Variants in TMPRSS11E observed in about 807,000 individuals in gnomAD.
TMPRSS11E encodes transmembrane serine protease 11E.
TMPRSS11E carries 38 observed loss-of-function variants against 48.1 expected under a neutral mutation model. That is an observed-to-expected ratio of 0.79 (90% confidence interval 0.61 to 1.04). The LOEUF is 1.04. Ranked by LOEUF, TMPRSS11E falls within the 50% of genes least tolerant of loss-of-function variation. The pLI, the probability that TMPRSS11E is intolerant of heterozygous loss-of-function variation, is 0.00. For missense variants in TMPRSS11E, 530 were observed against 510.8 expected (o/e 1.04, Z -0.36); for synonymous variants, 158 against 171.9 (o/e 0.92, Z 0.63).
In TMPRSS11E at chr4:68,480,192, G is replaced by A. The variant is rs1057500748; in HGVS notation, c.1110+1201G>A. Among the ~76,000 whole-genome samples the A allele has an allele frequency of 5.4e-5, 8 of 148,728 alleles. No homozygotes were observed. In the East Asian group the frequency reaches 1.8e-3, roughly 34 times the overall value. On this transcript the variant is annotated intron_variant, in intron 9 of 9. Coordinates refer to ENST00000305363, the MANE Select transcript of TMPRSS11E (RefSeq NM_014058.4). ...CCTTTGTCAAGTTTGAGAAATTTTT[G>A]GTCATTATTTCTTAAAATACTCTTT...
intron 5 of TMPRSS11E, among the ~76,000 whole-genome samples, chr4:68,473,956 G>GA (rs1405280409): frequency 1.6e-5 from 1 of 64,134 alleles, no homozygotes; most frequent in Non-Finnish European, 3.5e-5. Flanking sequence ...AAATACTAAA[G>GA]AAAAAAATTA....
At chr4:68,487,360 C>T (rs984914629) in intron 9 of TMPRSS11E, among the ~76,000 whole-genome samples, 3 of 151,790 alleles carry the variant, frequency 2.0e-5, no homozygotes, top group African/African-American at 7.3e-5. Flanking sequence ...TCAAGCGATT[C>T]TTCTGCCTTA....
intron 1 of TMPRSS11E, among the ~76,000 whole-genome samples, chr4:68,458,863 A>C (rs1728709467): frequency 6.6e-6 from 1 of 152,132 alleles, no homozygotes; most frequent in Admixed American, 6.5e-5. Context: ...CTAATAATTA[A>C]AATAATGATG....
intron 1 of TMPRSS11E, among the ~76,000 whole-genome samples, chr4:68,456,814 C>T (rs1470985151): frequency 6.6e-6 from 1 of 152,066 alleles, no homozygotes; most frequent in Non-Finnish European, 1.5e-5. Context: ...GGAAAGGATT[C>T]CCTATTTAAT....
chr4:68,491,744 A>G (rs917228447), intron 9 of TMPRSS11E, among the ~76,000 whole-genome samples: 2 of 152,220 alleles, frequency 1.3e-5, no homozygotes, highest in African/African-American at 4.8e-5. Context: ...TAAGCCCTAT[A>G]GTTCTCTTCA....
chr4:68,492,292 C>A (rs1367949543), intron 9 of TMPRSS11E, among the ~76,000 whole-genome samples: 1 of 152,136 alleles, frequency 6.6e-6, no homozygotes, highest in Admixed American at 6.5e-5. Context: ...TTTGTAACCC[C>A]CAAATCAATA....
chr4:68,450,247 TGTGGAA>T (rs1460700040), intron 1 of TMPRSS11E, among the ~76,000 whole-genome samples: 2 of 151,932 alleles, frequency 1.3e-5, no homozygotes, highest in East Asian at 3.8e-4. Context: ...CTAAGTCCTG[TGTGGAA>T]GAAAACTCTC....
At chr4:68,483,988 T>A (rs1430465659) in intron 9 of TMPRSS11E, among the ~76,000 whole-genome samples, 1 of 152,148 alleles carries the variant, frequency 6.6e-6, no homozygotes, top group Non-Finnish European at 1.5e-5. Flanking sequence ...GTTCCATTGA[T>A]CTATGTGTCT....
At chr4:68,454,707 T>A (rs1728581863) in intron 1 of TMPRSS11E, among the ~76,000 whole-genome samples, 1 of 151,890 alleles carries the variant, frequency 6.6e-6, no homozygotes, top group Middle Eastern at 3.2e-3. Context: ...GAATTCTTGG[T>A]GTATGGTTTA....
intron 1 of TMPRSS11E, among the ~76,000 whole-genome samples, chr4:68,456,443 C>A (rs369977857): frequency 4.6e-5 from 7 of 151,716 alleles, no homozygotes; most frequent in African/African-American, 1.7e-4. Context: ...GAGTAATTTG[C>A]TTGTATTTCT....
chr4:68,478,998 A>C lies in TMPRSS11E; in HGVS notation c.1110+7A>C. On this transcript the variant is annotated splice_region_variant and intron_variant, in intron 9 of 9. Transcript: ENST00000305363. ...AAAAACAGATGCATGCCAGGTAAAC[A>C]GTTTTGCCCATTAGTAGGTTGTGTA... 1 of 1,612,418 alleles carries C rather than the reference A, an allele frequency of 6.2e-7. No individual in the cohort carries two copies. Among genetic ancestry groups the C allele is most frequent in the East Asian group, 2.2e-5 (1 of 44,854 alleles).
At chr4:68,462,043 G>T in intron 2 of TMPRSS11E, 98 bp downstream of exon 2, 1 of 1,463,638 alleles carries the variant, frequency 6.8e-7, no homozygotes, top group Non-Finnish European at 9.4e-7. Context: ...TTATCACTAC[G>T]ATTCATTTGC....
At chr4:68,457,778 T>C (rs184402431) in intron 1 of TMPRSS11E, among the ~76,000 whole-genome samples, 1 of 151,504 alleles carries the variant, frequency 6.6e-6, no homozygotes, top group African/African-American at 2.4e-5. Flanking sequence ...TCATGTTCTT[T>C]GCAGGGACAC....
chr4:68,470,158 G>T (rs1729024566), intron 4 of TMPRSS11E, among the ~76,000 whole-genome samples: 1 of 151,748 alleles, frequency 6.6e-6, no homozygotes, highest in African/African-American at 2.4e-5. Flanking sequence ...ATAGAAATTT[G>T]CTCATGATCA....
intron 1 of TMPRSS11E, among the ~76,000 whole-genome samples, chr4:68,456,745 T>A: frequency 6.6e-6 from 1 of 152,036 alleles, no homozygotes; most frequent in East Asian, 1.9e-4. Flanking sequence ...GCCTCAGAAA[T>A]AATGCCACAC....
At chr4:68,493,984 C>G (rs549659444) in intron 9 of TMPRSS11E, among the ~76,000 whole-genome samples, 1 of 152,246 alleles carries the variant, frequency 6.6e-6, no homozygotes, top group Non-Finnish European at 1.5e-5. Flanking sequence ...TTTCATAATT[C>G]TGAAATTTGC....
At chr4:68,479,111 T>A in intron 9 of TMPRSS11E, 120 bp downstream of exon 9, 1 of 1,167,862 alleles carries the variant, frequency 8.6e-7, no homozygotes. Flanking sequence ...CTCACCCAGT[T>A]TTCTCCAATG....
intron 9 of TMPRSS11E, among the ~76,000 whole-genome samples, chr4:68,485,223 T>A (rs1271289985): frequency 6.6e-6 from 1 of 152,180 alleles, no homozygotes. Flanking sequence ...CTCAGCTCAC[T>A]GCAACCTCTG....
At chr4:68,458,782 A>G (rs986056459) in intron 1 of TMPRSS11E, among the ~76,000 whole-genome samples, 1 of 152,192 alleles carries the variant, frequency 6.6e-6, no homozygotes, top group Non-Finnish European at 1.5e-5. Flanking sequence ...ACAATGCTAT[A>G]CAGACTGGGA....
Sources: allele counts gnomAD v4.1 joint callset (sites outside exome capture counted in the v4.1 genomes callset), GRCh38; gene constraint gnomAD v4.1.1; transcripts MANE v1.5; gene names NCBI Gene and HGNC (gene_info 2026-07-23, HGNC 2026-07-21).